The following DPP6 variants were observed in gnomAD, a reference collection of about 807,000 sequenced individuals.
DPP6 encodes A-type potassium channel modulatory protein DPP6.
DPP6 carries 69 observed loss-of-function variants against 122.6 expected under a neutral mutation model. That is an observed-to-expected ratio of 0.56 (90% CI 0.46 to 0.69). The LOEUF (loss-of-function observed/expected upper bound fraction) is 0.69. Ranked by LOEUF, DPP6 falls within the 30% of genes least tolerant of loss-of-function variation. The pLI, the probability that DPP6 is intolerant of heterozygous loss-of-function variation, is 0.00. For missense variants in DPP6, 928 were observed against 1,116.9 expected (o/e 0.83, Z 2.41); for synonymous variants, 418 against 433.1 (o/e 0.97, Z 0.43).
chr7:154,043,966 C>G (rs891545496), intron 1 of DPP6, among the ~76,000 whole-genome samples: 2 of 146,150 alleles, frequency 1.4e-5, no homozygotes, highest in African/African-American at 5.1e-5. Context: ...ATTATGGGTG[C>G]GCTGCAGAGG....
chr7:154,101,956 A>G (rs1207532246), intron 1 of DPP6, among the ~76,000 whole-genome samples: 6 of 151,118 alleles, frequency 4.0e-5, no homozygotes, highest in Non-Finnish European at 7.4e-5. Flanking sequence ...AAAAAAAAAA[A>G]AAAGAATGTT....
intron 1 of DPP6, among the ~76,000 whole-genome samples, chr7:154,301,040 G>A (rs1008270759): frequency 2.0e-5 from 3 of 152,168 alleles, no homozygotes; most frequent in African/African-American, 7.2e-5. Context: ...GACTGCCAAG[G>A]TTCAAGTTCT....
At chr7:154,814,750 C>T (rs534005283) in intron 16 of DPP6, among the ~76,000 whole-genome samples, 41 of 152,310 alleles carry the variant, frequency 2.7e-4, no homozygotes, top group East Asian at 9.6e-4. Flanking sequence ...ATCTGTTCCA[C>T]GTTTCTCTCG....
Position 154,276,996 on chromosome 7 carries a change from A to G in DPP6, c.244-169218A>G, listed in dbSNP as rs564614976. Among the ~76,000 whole-genome samples the G allele has an allele frequency of 7.2e-5, 11 of 152,278 alleles. No homozygotes were observed. In the East Asian group the frequency reaches 2.1e-3, roughly 29 times the overall value. On this transcript the variant is annotated intron_variant, in intron 1 of 25. Transcript: ENST00000377770. Reference sequence around the variant, plus strand: ...AACCCTACACAGCACTTCAGCACGCACTTGGGGGCCATTTTAAACAGCAAA... The same window carrying G: ...AACCCTACACAGCACTTCAGCACGCGCTTGGGGGCCATTTTAAACAGCAAA...
chr7:154,112,608 G>A (rs540936291), intron 1 of DPP6, among the ~76,000 whole-genome samples: 326 of 151,642 alleles, frequency 2.1e-3, no homozygotes, highest in African/African-American at 7.2e-3. Flanking sequence ...TTATGCTGCT[G>A]CACTCCTGCT....
intron 21 of DPP6, chr7:154,885,325 A>G: frequency 3.6e-6 from 1 of 277,244 alleles, no homozygotes; most frequent in South Asian, 5.3e-5. Flanking sequence ...CTGAGCCTGA[A>G]GGACAGCACC....
At position 153,924,721 on chromosome 7, in the gene DPP6, A is replaced by G. The variant is rs1034039001; in HGVS notation, c.51+36987A>G. On this transcript the variant is annotated intron_variant, in intron 1 of 25. Coordinates refer to the DPP6 transcript ENST00000404039. ...ATCTGCCTTGTTGTTGATCTGAGTC[A>G]TTGATGGCCAGATTGAAAGAGCAGA... Among the ~76,000 whole-genome samples the G allele has an allele frequency of 2.0e-5, 3 of 152,302 alleles. No individual in the cohort carries two copies. The South Asian group carries it at 6.2e-4, about 32-fold the overall frequency.
chr7:154,706,115 A>G (rs925437991), intron 7 of DPP6, among the ~76,000 whole-genome samples: 1 of 152,102 alleles, frequency 6.6e-6, no homozygotes, highest in African/African-American at 2.4e-5. Flanking sequence ...AGTGACTCCC[A>G]TTGTTCTCAC....
chr7:153,794,582 T>G, the DPP6 span, among the ~76,000 whole-genome samples: 55 of 152,296 alleles, frequency 3.6e-4, no homozygotes, highest in African/African-American at 1.3e-3. Context: ...TGTGGACTTT[T>G]GGGTTAATAC....
chr7:154,011,978 TAACAA>T (rs1798173876), intron 1 of DPP6, among the ~76,000 whole-genome samples: 3 of 152,172 alleles, frequency 2.0e-5, no homozygotes, highest in Admixed American at 2.0e-4. Flanking sequence ...GATAGAACAA[TAACAA>T]TGTCAAAACA....
At chr7:154,102,664 G>A (rs1178324676) in intron 1 of DPP6, among the ~76,000 whole-genome samples, 2 of 152,026 alleles carry the variant, frequency 1.3e-5, no homozygotes, top group African/African-American at 4.8e-5. Flanking sequence ...TCATATCTGT[G>A]CACTTTCATA....
chr7:154,415,116 C>A (rs1334666806), intron 1 of DPP6, among the ~76,000 whole-genome samples: 1 of 152,160 alleles, frequency 6.6e-6, no homozygotes, highest in Non-Finnish European at 1.5e-5. Flanking sequence ...CTCTAGGAGC[C>A]TTCCTGACCC....
chr7:154,352,230 G>A (rs770026947), intron 1 of DPP6, among the ~76,000 whole-genome samples: 7 of 152,120 alleles, frequency 4.6e-5, no homozygotes, highest in Admixed American at 2.6e-4. Context: ...TTGGGAGGCC[G>A]AGGTGGGCAG....
chr7:154,405,666 G>A (rs1816027278), intron 1 of DPP6, among the ~76,000 whole-genome samples: 1 of 152,102 alleles, frequency 6.6e-6, no homozygotes. Context: ...CTGGAGCTGG[G>A]CACTCTGCTC....
the DPP6 span, among the ~76,000 whole-genome samples, chr7:153,848,567 G>A: frequency 6.6e-6 from 1 of 152,122 alleles, no homozygotes; most frequent in African/African-American, 2.4e-5. Context: ...GTGCATTTCT[G>A]TCTTTTCAAG....
the DPP6 span, among the ~76,000 whole-genome samples, chr7:153,757,971 G>A: frequency 1.3e-5 from 2 of 152,100 alleles, no homozygotes; most frequent in African/African-American, 4.8e-5. Flanking sequence ...AAAATGTAAA[G>A]AAGAAAGAAA....
At chr7:154,215,617 T>C (rs1799955442) in intron 1 of DPP6, among the ~76,000 whole-genome samples, 1 of 152,158 alleles carries the variant, frequency 6.6e-6, no homozygotes, top group Non-Finnish European at 1.5e-5. Flanking sequence ...AAAGGGCCTT[T>C]CCTATCCTTT....
chr7:154,652,983 G>A (rs1450119149), intron 6 of DPP6, among the ~76,000 whole-genome samples: 4 of 152,144 alleles, frequency 2.6e-5, no homozygotes, highest in Non-Finnish European at 5.9e-5. Flanking sequence ...ATTCTTTAAG[G>A]AACTTCTCTT....
chr7:154,413,993 A>G (rs1373719565), intron 1 of DPP6, among the ~76,000 whole-genome samples: 1 of 152,178 alleles, frequency 6.6e-6, no homozygotes, highest in East Asian at 1.9e-4. Flanking sequence ...GAAGCATGGA[A>G]CCTGTAAATT....
Sources: gnomAD v4.1 joint callset for allele counts (sites outside exome capture counted in the v4.1 genomes callset) on GRCh38, gnomAD v4.1.1 for gene constraint, MANE v1.5 for transcripts, NCBI Gene and HGNC (gene_info 2026-07-23, HGNC 2026-07-21) for gene names.